Variants in SCLT1 observed in about 807,000 individuals in gnomAD.
SCLT1 encodes the protein sodium channel-associated protein 1.
In SCLT1, 78 loss-of-function variants were observed where a neutral mutation model predicts 112.8. The ratio of observed to expected loss-of-function variants is 0.69; its 90% CI spans 0.58 to 0.83. SCLT1 has a LOEUF of 0.83. Ranked by LOEUF, SCLT1 falls within the 40% of genes least tolerant of loss-of-function variation. SCLT1 has a pLI of 0.00. For missense variants in SCLT1, 747 were observed against 770.4 expected (o/e 0.97, Z 0.36); for synonymous variants, 257 against 254.7 (o/e 1.01, Z -0.09).
At chr4:128,873,410 G>A (rs1385179343) in intron 5 of SCLT1, 1 of 152,600 alleles carries the variant, frequency 6.6e-6, no homozygotes, top group Non-Finnish European at 1.5e-5. Context: ...AGACTGAAGT[G>A]TACCCTTGAA....
intron 2 of SCLT1, among the ~76,000 whole-genome samples, chr4:129,074,566 T>C (rs1296855012): frequency 2.6e-5 from 4 of 152,132 alleles, no homozygotes; most frequent in Admixed American, 1.3e-4. Context: ...TGAAATTGCC[T>C]AAAAAACATT....
intron 2 of SCLT1, among the ~76,000 whole-genome samples, chr4:129,046,982 TG>T (rs1271908902): frequency 6.6e-6 from 1 of 152,148 alleles, no homozygotes; most frequent in Non-Finnish European, 1.5e-5. Context: ...GTTTCTCTAA[TG>T]GGTAATTGTT....
At chr4:128,984,994 C>A (rs558380601) in intron 9 of SCLT1, among the ~76,000 whole-genome samples, 1 of 152,144 alleles carries the variant, frequency 6.6e-6, no homozygotes, top group South Asian at 2.1e-4. Flanking sequence ...AATATAAACA[C>A]TGTTTTCTAG....
At chr4:129,046,583 T>C (rs1748203088) in intron 2 of SCLT1, among the ~76,000 whole-genome samples, 1 of 152,144 alleles carries the variant, frequency 6.6e-6, no homozygotes, top group Non-Finnish European at 1.5e-5. Context: ...TTTCTATTAT[T>C]AAATGAAGTA....
chr4:128,953,805 A>C (rs1560887121), intron 13 of SCLT1, among the ~76,000 whole-genome samples: 2 of 135,844 alleles, frequency 1.5e-5, no homozygotes, highest in South Asian at 5.0e-4. Context: ...TCTCAAAAAA[A>C]AAAAACAAAA....
At chr4:129,048,102 CAT>C (rs1748365601) in intron 2 of SCLT1, among the ~76,000 whole-genome samples, 1 of 152,078 alleles carries the variant, frequency 6.6e-6, no homozygotes, top group Admixed American at 6.6e-5. Context: ...CCACCAGTTT[CAT>C]AGTGTTGGGT....
intron 5 of SCLT1, among the ~76,000 whole-genome samples, chr4:129,021,085 G>T (rs1180027125): frequency 2.0e-5 from 3 of 152,144 alleles, no homozygotes; most frequent in Non-Finnish European, 2.9e-5. Flanking sequence ...GTTAGGCAGT[G>T]GGTCCAACCC....
intron 5 of SCLT1, chr4:128,874,269 T>C (rs190887315): frequency 6.6e-6 from 1 of 152,294 alleles, no homozygotes; most frequent in East Asian, 1.9e-4. Context: ...TGGGTGAGAG[T>C]AGAATTTATA....
chr4:128,955,996 T>C (rs753270163), intron 13 of SCLT1, among the ~76,000 whole-genome samples: 7 of 152,204 alleles, frequency 4.6e-5, no homozygotes, highest in African/African-American at 9.6e-5. Context: ...AATCTGGGAC[T>C]GACTATGAGA....
intron 16 of SCLT1, among the ~76,000 whole-genome samples, chr4:128,943,541 C>T (rs546749991): frequency 6.6e-6 from 1 of 152,168 alleles, no homozygotes; most frequent in African/African-American, 2.4e-5. Flanking sequence ...CGGATAATAA[C>T]CAAAACTCCT....
chr4:128,893,581 C>T (rs1733490934), intron 18 of SCLT1, among the ~76,000 whole-genome samples: 1 of 152,010 alleles, frequency 6.6e-6, no homozygotes, highest in Non-Finnish European at 1.5e-5. Context: ...CTTGCTCTGT[C>T]CCCCAGGCTG....
chr4:129,044,476 A>G (rs1470045166), intron 2 of SCLT1, among the ~76,000 whole-genome samples: 2 of 152,002 alleles, frequency 1.3e-5, no homozygotes, highest in Non-Finnish European at 2.9e-5. Flanking sequence ...AAAAAAAATC[A>G]GTAGCTTTTT....
At chr4:129,021,503 G>C (rs1229208031) in intron 5 of SCLT1, among the ~76,000 whole-genome samples, 3 of 152,154 alleles carry the variant, frequency 2.0e-5, no homozygotes, top group Admixed American at 1.3e-4. Context: ...GCTTGGTTGC[G>C]GGAGGGGCAT....
intron 2 of SCLT1, among the ~76,000 whole-genome samples, chr4:129,053,239 T>C (rs1748993414): frequency 6.6e-6 from 1 of 152,202 alleles, no homozygotes; most frequent in African/African-American, 2.4e-5. Context: ...AGATGTCTAT[T>C]AGGTCTCCAT....
intron 18 of SCLT1, among the ~76,000 whole-genome samples, chr4:128,928,325 A>C (rs1293159114): frequency 1.3e-5 from 2 of 152,166 alleles, no homozygotes; most frequent in Non-Finnish European, 2.9e-5. Flanking sequence ...GATTTCAGTC[A>C]ATCTCTCTCA....
intron 18 of SCLT1, among the ~76,000 whole-genome samples, chr4:128,923,912 G>A (rs185850683): frequency 2.0e-5 from 3 of 151,918 alleles, no homozygotes; most frequent in African/African-American, 7.2e-5. Context: ...AGGCTCAGGT[G>A]ATCCTCCTAC....
chr4:129,082,194 A>T (rs1026662755), intron 2 of SCLT1, 112 bp downstream of exon 2: 55 of 457,402 alleles, frequency 1.2e-4, no homozygotes, highest in Non-Finnish European at 2.0e-4. Flanking sequence ...TACTTTCATT[A>T]AGCAAAAACA....
At chr4:128,875,296 G>GTTGT (rs1466575296) in intron 4 of SCLT1, 1 of 152,602 alleles carries the variant, frequency 6.6e-6, no homozygotes, top group East Asian at 1.9e-4. Context: ...TCCTGAATCA[G>GTTGT]TTGTTTACTG....
chr4:128,959,527 C>T, intron 12 of SCLT1, 73 bp downstream of exon 12: 1 of 1,059,704 alleles, frequency 9.4e-7, no homozygotes, highest in Non-Finnish European at 1.4e-6. Context: ...GCTATTGAAT[C>T]CCTTACTGTG....
Sources: allele counts gnomAD v4.1 joint callset (sites outside exome capture counted in the v4.1 genomes callset), GRCh38; gene constraint gnomAD v4.1.1; transcripts MANE v1.5; gene names NCBI Gene and HGNC (gene_info 2026-07-23, HGNC 2026-07-21).